SMAD3: variants seen among roughly 807,000 people sequenced by gnomAD.
SMAD3 encodes the protein SMAD family member 3, also known as MAD homolog 3.
A neutral mutation model predicts 51.8 loss-of-function variants in SMAD3; 12 were observed. The ratio of observed to expected loss-of-function variants is 0.23; its 90% CI spans 0.15 to 0.38. The LOEUF (loss-of-function observed/expected upper bound fraction) is 0.38. SMAD3 is among the 10% of genes least tolerant of loss of function. The pLI is 1.00. For synonymous variants in SMAD3, 238 were observed against 227.7 expected (o/e 1.05, Z -0.41); for missense variants, 294 against 565.6 (o/e 0.52, Z 4.87).
intron 1 of SMAD3, among the ~76,000 whole-genome samples, chr15:67,092,175 A>G (rs1271241844): frequency 1.3e-5 from 2 of 152,180 alleles, no homozygotes; most frequent in African/African-American, 4.8e-5. Context: ...TGGAGCCTGG[A>G]AAGTCAGGGC....
intron 1 of SMAD3, among the ~76,000 whole-genome samples, chr15:67,081,813 A>G (rs1960285413): frequency 6.6e-6 from 1 of 152,148 alleles, no homozygotes; most frequent in African/African-American, 2.4e-5. Flanking sequence ...ATTGTATCAC[A>G]TGCAGTCAAT....
intron 1 of SMAD3, among the ~76,000 whole-genome samples, chr15:67,137,339 A>G (rs77214727): frequency 1.9e-3 from 291 of 152,334 alleles, no homozygotes; most frequent in Non-Finnish European, 3.0e-3. Context: ...CTGTTCCTTC[A>G]TAAGTTCTTC....
intron 1 of SMAD3, among the ~76,000 whole-genome samples, chr15:67,085,356 C>T (rs1469011482): frequency 6.6e-6 from 1 of 152,218 alleles, no homozygotes; most frequent in South Asian, 2.1e-4. Flanking sequence ...TGGCCCCTGG[C>T]TTCCTCTTCT....
chr15:67,089,227 C>T (rs1445468284), intron 1 of SMAD3, among the ~76,000 whole-genome samples: 1 of 152,184 alleles, frequency 6.6e-6, no homozygotes, highest in Non-Finnish European at 1.5e-5. Context: ...GATATACCTC[C>T]TCCATCTGCT....
chr15:67,109,542 T>C (rs10775193), intron 1 of SMAD3, among the ~76,000 whole-genome samples: 146,027 of 152,242 alleles, frequency 0.96, 70,305 homozygotes, highest in East Asian at 1. Flanking sequence ...CTTTGCATTC[T>C]AGTGGGTGGA....
intron 5 of SMAD3, among the ~76,000 whole-genome samples, chr15:67,175,899 T>A (rs1028005882): frequency 1.3e-5 from 2 of 152,028 alleles, no homozygotes; most frequent in Admixed American, 1.3e-4. Flanking sequence ...TTCCCCACAC[T>A]TGTGAAATCA....
chr15:67,187,201 TG>T, intron 7 of SMAD3, 163 bp from the exon 8 acceptor site: 1 of 831,206 alleles, frequency 1.2e-6, no homozygotes, highest in South Asian at 1.4e-5. Flanking sequence ...TCCCTTTGCA[TG>T]GTACTGAGTG....
At chr15:67,080,198 G>T (rs1960251507) in intron 1 of SMAD3, among the ~76,000 whole-genome samples, 1 of 152,218 alleles carries the variant, frequency 6.6e-6, no homozygotes, top group South Asian at 2.1e-4. Context: ...GGAAGGGAAT[G>T]TGCAAATTAT....
chr15:67,122,928 G>A (rs1482567584), intron 1 of SMAD3, among the ~76,000 whole-genome samples: 1 of 152,172 alleles, frequency 6.6e-6, no homozygotes, highest in Non-Finnish European at 1.5e-5. Flanking sequence ...GCTCATGCCT[G>A]TAATCCCAGT....
At chr15:67,113,388 C>A (rs946782629) in intron 1 of SMAD3, among the ~76,000 whole-genome samples, 3 of 151,940 alleles carry the variant, frequency 2.0e-5, no homozygotes, top group African/African-American at 7.3e-5. Flanking sequence ...CTGCGCCCGG[C>A]CTTAAAATAT....
intron 7 of SMAD3, 77 bp downstream of exon 7, chr15:67,184,941 C>A: frequency 6.4e-7 from 1 of 1,561,592 alleles, no homozygotes. Context: ...GAGAGTCCAC[C>A]TTTCTCACCT....
chr15:67,103,770 C>G (rs1402966574), intron 1 of SMAD3, among the ~76,000 whole-genome samples: 1 of 152,230 alleles, frequency 6.6e-6, no homozygotes, highest in African/African-American at 2.4e-5. Context: ...TTTCCTCCAA[C>G]TGTCAGTGCT....
At chr15:67,118,151 G>A (rs1016381402) in intron 1 of SMAD3, among the ~76,000 whole-genome samples, 1 of 152,218 alleles carries the variant, frequency 6.6e-6, no homozygotes, top group Non-Finnish European at 1.5e-5. Flanking sequence ...GTTGGGTGCT[G>A]CCTGGCACAG....
chr15:67,109,115 A>T (rs1960945428), intron 1 of SMAD3, among the ~76,000 whole-genome samples: 1 of 152,166 alleles, frequency 6.6e-6, no homozygotes, highest in Non-Finnish European at 1.5e-5. Context: ...CTTCACAAAT[A>T]CTTGTCGAAG....
rs1392220076 is a variant in SMAD3, at chr15:67,190,571, G to A, written c.*35G>A. The A allele has an allele frequency of 1.2e-6, 2 of 1,610,494 alleles. No homozygotes were observed. Among genetic ancestry groups the A allele is most frequent in the Non-Finnish European group, 1.7e-6 (2 of 1,177,254 alleles). On this transcript the variant is annotated 3_prime_UTR_variant, in exon 9 of 9. Coordinates refer to ENST00000327367, the MANE Select transcript of SMAD3 (RefSeq NM_005902.4). ...GTATGGTAGGGGAGGGCAGGCTTGG[G>A]GAAAATGGCCATGCAGGAGGTGGAG...
intron 1 of SMAD3, among the ~76,000 whole-genome samples, chr15:67,066,903 T>A (rs1959935294): frequency 6.6e-6 from 1 of 152,216 alleles, no homozygotes; most frequent in Admixed American, 6.5e-5. Flanking sequence ...CCTTCTTCGT[T>A]CTTTCTTTGC....
At chr15:67,097,067 T>C (rs992210681) in intron 1 of SMAD3, among the ~76,000 whole-genome samples, 2 of 152,236 alleles carry the variant, frequency 1.3e-5, no homozygotes, top group African/African-American at 2.4e-5. Context: ...AGGCATGGTC[T>C]CCTTGGGTGA....
chr15:67,170,961 C>G (rs1040740007), intron 5 of SMAD3, among the ~76,000 whole-genome samples: 37 of 152,226 alleles, frequency 2.4e-4, no homozygotes, highest in African/African-American at 8.7e-4. Context: ...CATGCAGACT[C>G]CAGCCCCCTG....
chr15:67,110,848 A>C (rs1398972499), intron 1 of SMAD3, among the ~76,000 whole-genome samples: 1 of 152,254 alleles, frequency 6.6e-6, no homozygotes, highest in Non-Finnish European at 1.5e-5. Context: ...AGAAAGTTCC[A>C]GTGTACCCCT....
Sources: gnomAD v4.1 joint callset for allele counts (sites outside exome capture counted in the v4.1 genomes callset) on GRCh38, gnomAD v4.1.1 for gene constraint, MANE v1.5 for transcripts, NCBI Gene and HGNC (gene_info 2026-07-23, HGNC 2026-07-21) for gene names.